The following GLIS2 variants were observed in gnomAD, a reference collection of about 807,000 sequenced individuals.
The protein encoded by GLIS2 is zinc finger protein GLIS2.
In GLIS2, 14 loss-of-function variants were observed where a neutral mutation model predicts 35.6. The observed-to-expected ratio is 0.39, with a 90% CI of 0.26 to 0.61. The LOEUF (loss-of-function observed/expected upper bound fraction) is 0.61. Among genes scored for constraint, GLIS2 ranks in the 20% least tolerant of loss-of-function variants. The pLI, the probability that GLIS2 is intolerant of heterozygous loss-of-function variation, is 0.48. For synonymous variants in GLIS2, 368 were observed against 325.1 expected (o/e 1.13, Z -1.42); for missense variants, 675 against 713.4 (o/e 0.95, Z 0.61).
intron 1 of GLIS2, among the ~76,000 whole-genome samples, chr16:4,327,342 G>T (rs992449902): frequency 6.6e-6 from 1 of 152,258 alleles, no homozygotes; most frequent in African/African-American, 2.4e-5. Flanking sequence ...TCCATGGACA[G>T]ATGGGCCTGA....
upstream of GLIS2, among the ~76,000 whole-genome samples, chr16:4,315,875 A>G (rs2053304207): frequency 7.1e-6 from 1 of 141,644 alleles, no homozygotes; most frequent in Admixed American, 6.9e-5. Context: ...CTGGGGCCGC[A>G]GCGGTGAGAG....
In GLIS2 at chr16:4,320,297, G is replaced by C. The variant is rs577991420; in HGVS notation, c.-67+4043G>C. Reference sequence around the variant, plus strand: ...CGCTGAGTGGACTGAGTCAGCCCCCGGCCGGGAGCCTCCGGAAAACAGTCC... The same window carrying C: ...CGCTGAGTGGACTGAGTCAGCCCCCCGCCGGGAGCCTCCGGAAAACAGTCC... On this transcript the variant is annotated intron_variant, in intron 1 of 6. Coordinates refer to ENST00000433375, the MANE Select transcript of GLIS2 (RefSeq NM_032575.3). The surrounding 1 kb of genome is among the most constrained non-coding windows in gnomAD (Gnocchi z 5.6). 1.3e-5 allele frequency among the ~76,000 whole-genome samples: 2 copies of C among 152,120 alleles called. No individual in the cohort carries two copies. Among genetic ancestry groups the C allele is most frequent in the Non-Finnish European group, 2.9e-5 (2 of 68,012 alleles).
rs536190627 is a variant in GLIS2, at chr16:4,333,841, G to A, written c.345+322G>A. ...AAAGACACCAGTCATGGCCGGGCAC[G>A]GTGGCTCACACCTGTAACCCCAGCA... On this transcript the variant is annotated intron_variant, in intron 3 of 6. Coordinates refer to ENST00000433375, the MANE Select transcript of GLIS2 (RefSeq NM_032575.3). Among the ~76,000 whole-genome samples, 3 of 152,204 alleles carry A rather than the reference G, an allele frequency of 2.0e-5. No individual in the cohort carries two copies. In the East Asian group the frequency reaches 5.8e-4, roughly 30 times the overall value.
intron 1 of GLIS2, among the ~76,000 whole-genome samples, chr16:4,318,544 C>A (rs548109140): frequency 6.6e-6 from 1 of 152,222 alleles, no homozygotes; most frequent in Non-Finnish European, 1.5e-5. Context: ...GTAGCCACAG[C>A]GATTTCTTCC....
intron 1 of GLIS2, among the ~76,000 whole-genome samples, chr16:4,318,378 G>A (rs2053338115): frequency 1.3e-5 from 2 of 152,314 alleles, no homozygotes; most frequent in East Asian, 3.9e-4. Flanking sequence ...GGAGGAAAGA[G>A]GGTGTAAATC....
chr16:4,317,452 C>T (rs945372296), intron 1 of GLIS2, among the ~76,000 whole-genome samples: 1 of 152,132 alleles, frequency 6.6e-6, no homozygotes, highest in Non-Finnish European at 1.5e-5. Flanking sequence ...AGAGACACTG[C>T]GCTTCGGAGG....
chr16:4,315,423 C>G (rs937491353), upstream of GLIS2: 6 of 152,314 alleles, frequency 3.9e-5, no homozygotes, highest in African/African-American at 9.6e-5. Flanking sequence ...CCGCCTTCCC[C>G]GCCGCCCGGG....
Position 4,337,535 on chromosome 16 carries a change from C to T in GLIS2, c.*11C>T, listed in dbSNP as rs753650810. ...GCTGTGGTGAACTGAGCCCATCCTG[C>T]GGACAGTTGTGGTGCCCCCCCGGCA... On this transcript the variant is annotated 3_prime_UTR_variant, in exon 7 of 7. Coordinates refer to ENST00000433375, the MANE Select transcript of GLIS2 (RefSeq NM_032575.3). 5.2e-5 allele frequency: 80 copies of T among 1,550,418 alleles called. 1 individual carries two copies. The highest frequency in any genetic ancestry group is 2.2e-4 in the African/African-American group (16 of 74,032).
chr16:4,336,954 C>G lies in GLIS2; in HGVS notation c.1005C>G (p.Pro335=), dbSNP rs764594630. Residue 335 remains proline (P), a synonymous_variant, in exon 7 of 7, where the codon CCC becomes CCG. Transcript: ENST00000433375. ...AGCTCCTGCAGCTGCGCCCACCCCC[C>G]AAGCCGCCACTGCCCGCCCCCGACG... ...QQELLQLRPP[P]KPPLPAPDGG... 5 of 1,610,020 alleles carry G rather than the reference C, an allele frequency of 3.1e-6. No homozygotes were observed. Among genetic ancestry groups the G allele is most frequent in the East Asian group, 4.5e-5 (2 of 44,740 alleles).
chr16:4,319,634 T>G (rs1304693849), intron 1 of GLIS2, among the ~76,000 whole-genome samples: 1 of 152,216 alleles, frequency 6.6e-6, no homozygotes, highest in Non-Finnish European at 1.5e-5. Context: ...TGGTGAATTC[T>G]AAGTCAGGCG....
At chr16:4,326,387 T>C (rs924257692) in intron 1 of GLIS2, 1 of 152,232 alleles carries the variant, frequency 6.6e-6, no homozygotes, top group African/African-American at 2.4e-5. Context: ...CAAGGGGTGT[T>C]CCTCACATTG....
intron 1 of GLIS2, among the ~76,000 whole-genome samples, chr16:4,318,905 G>A (rs75999650): frequency 6.6e-6 from 1 of 152,224 alleles, no homozygotes; most frequent in South Asian, 2.1e-4. Flanking sequence ...GCCGGCCAGG[G>A]TTTGGGGCAA....
chr16:4,330,560 G>A (rs2141129245), intron 1 of GLIS2, among the ~76,000 whole-genome samples: 1 of 152,310 alleles, frequency 6.6e-6, no homozygotes, highest in East Asian at 1.9e-4. Context: ...TGGGGCCCCT[G>A]GCTGTGCCCA....
chr16:4,332,871 G>T lies in GLIS2; in HGVS notation c.172+419G>T, dbSNP rs2053512542. On this transcript the variant is annotated intron_variant, in intron 2 of 6. Coordinates refer to ENST00000433375, the MANE Select transcript of GLIS2 (RefSeq NM_032575.3). This position sits in a 1 kb window ranked among gnomAD's most constrained non-coding sequence, Gnocchi z 5.4. Reference sequence around the variant, plus strand: ...GCCCAGGGTGGTGGGCACCACTTCTGCCCTGCCTCCAAGAGCAGAGTCACC... The same window carrying T: ...GCCCAGGGTGGTGGGCACCACTTCTTCCCTGCCTCCAAGAGCAGAGTCACC... Among the ~76,000 whole-genome samples the T allele has an allele frequency of 6.6e-6, 1 of 152,154 alleles. No homozygotes were observed.
intron 1 of GLIS2, among the ~76,000 whole-genome samples, chr16:4,330,192 G>T (rs568207566): frequency 6.6e-6 from 1 of 151,924 alleles, no homozygotes. Flanking sequence ...CAGGACAATC[G>T]CTTGAACTCG....
At chr16:4,317,685 C>A (rs1434711458) in intron 1 of GLIS2, among the ~76,000 whole-genome samples, 1 of 151,950 alleles carries the variant, frequency 6.6e-6, no homozygotes, top group Admixed American at 6.5e-5. Flanking sequence ...ACCTGGGAGG[C>A]CCCTCCCAGG....
rs1448704722 is a variant in GLIS2, at chr16:4,337,228, G to A, written c.1279G>A (p.Gly427Ser). 1 of 1,547,690 alleles carries A rather than the reference G, an allele frequency of 6.5e-7. No homozygotes were observed. Among genetic ancestry groups the A allele is most frequent in the East Asian group, 2.4e-5 (1 of 40,920 alleles). Residue 427 changes from glycine to serine, a missense_variant, in exon 7 of 7, where the codon GGC becomes AGC. By Grantham distance (56) the Gly-to-Ser change is moderately conservative. Around this residue, in one of 3 missense-constraint regions of GLIS2, gnomAD observed 317 missense variants for 283.2 expected, o/e 1.12. Transcript: ENST00000433375. ...CTCGCCCTTTGGGGCTGGCGGACTG[G>A]GCTTGCCTGTGGTCTCCCTCCTTGC... is the stretch of plus-strand genomic sequence containing the variant. The part of the protein sequence containing the change: ...LPSPFGAGGL[G>S]LPVVSLLAGA...
At chr16:4,316,331 GC>G (rs1429905415) in intron 1 of GLIS2, among the ~76,000 whole-genome samples, 77 bp downstream of exon 1, 1 of 144,792 alleles carries the variant, frequency 6.9e-6, no homozygotes, top group Non-Finnish European at 1.5e-5. Context: ...TCGCGCCGGG[GC>G]TGCGGGGCCC....
chr16:4,333,138 G>T (rs570937209), intron 2 of GLIS2, among the ~76,000 whole-genome samples: 2 of 152,276 alleles, frequency 1.3e-5, no homozygotes, highest in South Asian at 2.1e-4. Flanking sequence ...CCCGGCTCAC[G>T]GGGGCCAAGC....
Sources: gnomAD v4.1 joint callset for allele counts (sites outside exome capture counted in the v4.1 genomes callset) on GRCh38, gnomAD v4.1.1 for gene constraint, gnomAD v4.1.1 regional missense constraint, Gnocchi (gnomAD v3.1) non-coding constraint, MANE v1.5 for transcripts, NCBI Gene and HGNC (gene_info 2026-07-23, HGNC 2026-07-21) for gene names.